The following MARCHF7 variants were observed in gnomAD, a reference collection of about 807,000 sequenced individuals.
The protein encoded by MARCHF7 is E3 ubiquitin-protein ligase MARCHF7.
MARCHF7 carries 20 observed loss-of-function variants against 76.5 expected under a neutral mutation model. That is an observed-to-expected ratio of 0.26 (90% CI 0.18 to 0.38). The LOEUF is 0.38. Ranked by LOEUF, MARCHF7 falls within the 10% of genes least tolerant of loss-of-function variation. MARCHF7 has a pLI of 1.00. For synonymous variants in MARCHF7, 295 were observed against 293.0 expected, an observed-to-expected ratio of 1.01 and a Z score of -0.07; for missense variants, 797 against 812.9, an observed-to-expected ratio of 0.98 and a Z score of 0.24.
chr2:159,723,352 A>G (rs2125335981), intron 3 of MARCHF7, among the ~76,000 whole-genome samples: 1 of 152,358 alleles, frequency 6.6e-6, no homozygotes, highest in Middle Eastern at 3.4e-3. Context: ...CTTTTAAGAG[A>G]CAGCGTAGGT....
chr2:159,748,447 TA>T lies in MARCHF7; in HGVS notation c.1158del (p.Leu386PhefsTer111). On this transcript the variant is annotated frameshift_variant, in exon 7 of 12. Transcript: ENST00000409175. LOFTEE classifies it high-confidence loss of function. ...GAAGGTAGAAATACAGGACCATGGT[TA>T]TCTTCCTCACTTAGAAATAGATGCA... Reference protein sequence around the residue: ...ESEGRNTGPWLSSSLRNRCTP... With the variant: ...ESEGRNTGPWXSSSLRNRCTP... The T allele has an allele frequency of 6.2e-7, 1 of 1,614,182 alleles. No homozygotes were observed.
chr2:159,724,927 C>A (rs1482634065), intron 3 of MARCHF7, among the ~76,000 whole-genome samples: 1 of 152,154 alleles, frequency 6.6e-6, no homozygotes, highest in Non-Finnish European at 1.5e-5. Flanking sequence ...TGAGAACATG[C>A]CATGTTTGGT....
intron 4 of MARCHF7, chr2:159,733,165 A>G: frequency 2.6e-6 from 2 of 764,690 alleles, no homozygotes; most frequent in Non-Finnish European, 3.2e-6. Context: ...AATGTTATCC[A>G]AATATTAAAT....
intron 4 of MARCHF7, among the ~76,000 whole-genome samples, chr2:159,738,848 C>G (rs1703780690): frequency 1.3e-5 from 2 of 152,212 alleles, no homozygotes; most frequent in African/African-American, 4.8e-5. Flanking sequence ...TGCCCCTTTT[C>G]ACCCAGGAGC....
intron 4 of MARCHF7, chr2:159,733,794 G>A (rs1703113330): frequency 1.0e-6 from 1 of 985,274 alleles, no homozygotes; most frequent in Non-Finnish European, 1.2e-6. Context: ...TCAGTTCATC[G>A]ATAAGGTTCT....
intron 3 of MARCHF7, among the ~76,000 whole-genome samples, chr2:159,719,240 G>C (rs371979590): frequency 4.3e-4 from 65 of 152,072 alleles, no homozygotes; most frequent in African/African-American, 1.4e-3. Context: ...GAGACGGGGT[G>C]TCAATATGTT....
At chr2:159,748,964 CTTTTTT>C in intron 7 of MARCHF7, 61 bp downstream of exon 7, 1 of 764,462 alleles carries the variant, frequency 1.3e-6, no homozygotes, top group Non-Finnish European at 1.8e-6. Context: ...CTCTTCATTT[CTTTTTT>C]TTCTTTTCTT....
intron 1 of MARCHF7, among the ~76,000 whole-genome samples, chr2:159,712,989 G>C (rs1291105932): frequency 6.6e-6 from 1 of 152,178 alleles, no homozygotes; most frequent in Non-Finnish European, 1.5e-5. Context: ...CGTGGGGCGG[G>C]GGGTCTTCGG....
chr2:159,722,779 A>G (rs1160680317), intron 3 of MARCHF7, among the ~76,000 whole-genome samples: 2 of 152,216 alleles, frequency 1.3e-5, no homozygotes, highest in Admixed American at 6.5e-5. Flanking sequence ...TAACACCTAC[A>G]TTGTCAAAAT....
chr2:159,734,297 T>G (rs1171552496), intron 4 of MARCHF7, among the ~76,000 whole-genome samples: 1 of 150,016 alleles, frequency 6.7e-6, no homozygotes, highest in African/African-American at 2.5e-5. Flanking sequence ...TATAAGGTTG[T>G]AGGGGCTTTT....
chr2:159,734,645 A>G (rs1703234233), intron 4 of MARCHF7, among the ~76,000 whole-genome samples: 1 of 152,044 alleles, frequency 6.6e-6, no homozygotes, highest in Admixed American at 6.6e-5. Flanking sequence ...AAATTGCAGG[A>G]AAACACAACT....
At chr2:159,743,833 A>C (rs1704456646) in intron 5 of MARCHF7, among the ~76,000 whole-genome samples, 1 of 151,872 alleles carries the variant, frequency 6.6e-6, no homozygotes, top group Admixed American at 6.6e-5. Flanking sequence ...GCTTGGTCCC[A>C]GGAGTTTGAG....
chr2:159,752,720 T>C, intron 8 of MARCHF7, 149 bp downstream of exon 8: 1 of 687,850 alleles, frequency 1.5e-6, no homozygotes, highest in South Asian at 3.2e-5. Flanking sequence ...TTAAAGAGCA[T>C]TAGTGTTTCT....
chr2:159,743,296 A>G, intron 5 of MARCHF7, 43 bp downstream of exon 5: 2 of 1,559,034 alleles, frequency 1.3e-6, no homozygotes, highest in Non-Finnish European at 1.8e-6. Flanking sequence ...GTTTTTCTCC[A>G]GGTGTAACAC....
intron 3 of MARCHF7, among the ~76,000 whole-genome samples, chr2:159,723,989 G>A (rs1574216913): frequency 6.6e-6 from 1 of 151,908 alleles, no homozygotes; most frequent in Admixed American, 6.5e-5. Context: ...CCCCTTTATC[G>A]CTGCTTCCTG....
At chr2:159,717,613 A>T (rs6432552) in intron 3 of MARCHF7, among the ~76,000 whole-genome samples, 70,083 of 151,836 alleles carry the variant, frequency 0.46, 18,036 homozygotes, top group African/African-American at 0.7. Flanking sequence ...TTTTGTGGTA[A>T]GTAGCTACTA....
At chr2:159,715,024 C>T (rs1700875227) in intron 2 of MARCHF7, among the ~76,000 whole-genome samples, 1 of 152,200 alleles carries the variant, frequency 6.6e-6, no homozygotes, top group Admixed American at 6.5e-5. Flanking sequence ...GCTGATACAT[C>T]CTTCTGTTAC....
chr2:159,764,843 G>GTT lies in MARCHF7; in HGVS notation c.2056+179_2056+180dup, dbSNP rs5835760. Among the ~76,000 whole-genome samples, 172 of 146,112 alleles carry GTT rather than the reference G, an allele frequency of 1.2e-3. 2 individuals carry two copies. Among genetic ancestry groups the GTT allele is most frequent in the Admixed American group, 2.9e-3 (43 of 14,714 alleles). On this transcript the variant is annotated intron_variant, in intron 11 of 11. Transcript: ENST00000409175. ...ATGGGTTGGGAAACTGACATTAGTTGTTTTTTTTTTTAAGCATATTTTAAG... is the reference window on the plus strand; with the variant it reads ...ATGGGTTGGGAAACTGACATTAGTTGTTTTTTTTTTTTTAAGCATATTTTAAG...
At chr2:159,734,279 A>G (rs1703183069) in intron 4 of MARCHF7, among the ~76,000 whole-genome samples, 2 of 151,550 alleles carry the variant, frequency 1.3e-5, no homozygotes, top group Admixed American at 1.3e-4. Context: ...TTTTAAAAGG[A>G]GGCTTTTTAT....
Sources: allele counts gnomAD v4.1 joint callset (sites outside exome capture counted in the v4.1 genomes callset), GRCh38; gene constraint gnomAD v4.1.1; transcripts MANE v1.5; gene names NCBI Gene and HGNC (gene_info 2026-07-23, HGNC 2026-07-21).